Variants in CSMD1 observed in about 807,000 individuals in gnomAD.
CSMD1 encodes CUB and sushi domain-containing protein 1.
In CSMD1, 213 loss-of-function variants were observed where a neutral mutation model predicts 417.5. The observed-to-expected ratio is 0.51, with a 90% CI of 0.46 to 0.57. CSMD1 has a LOEUF of 0.57. CSMD1 is among the 20% of genes least tolerant of loss of function. The pLI, the probability that CSMD1 is intolerant of heterozygous loss-of-function variation, is 0.00. For synonymous variants in CSMD1, 2,862 were observed against 1,736.8 expected, an observed-to-expected ratio of 1.65 and a Z score of -16.11; for missense variants, 6,923 against 4,529.7, an observed-to-expected ratio of 1.53 and a Z score of -15.17.
At chr8:3,958,408 AT>A (rs1408565272) in intron 5 of CSMD1, among the ~76,000 whole-genome samples, 1 of 151,888 alleles carries the variant, frequency 6.6e-6, no homozygotes, top group Non-Finnish European at 1.5e-5. Flanking sequence ...GGCAGAAAAA[AT>A]GGTGAGTTCA....
At chr8:3,616,578 A>G in intron 8 of CSMD1, 132 bp downstream of exon 8, 1 of 618,210 alleles carries the variant, frequency 1.6e-6, no homozygotes, top group African/African-American at 1.8e-5. Context: ...GTGATTACAC[A>G]CATTTAGAGT....
chr8:4,788,213 T>C lies in CSMD1; in HGVS notation c.86-150655A>G, dbSNP rs1797512051. On this transcript the variant is annotated intron_variant, in intron 1 of 69. Coordinates refer to ENST00000635120, the MANE Select transcript of CSMD1 (RefSeq NM_033225.6). ...TTCCATGTGAACTTTGAGTAACATC[T>C]GCGCATAAAGGACCAGATGAAACTC... The C allele has an allele frequency of 2.5e-6, 4 of 1,588,504 alleles. No individual in the cohort carries two copies. In the African/African-American group the frequency reaches 4.0e-5, roughly 16 times the overall value.
intron 49 of CSMD1, among the ~76,000 whole-genome samples, chr8:3,077,206 G>C (rs1813746400): frequency 6.6e-6 from 1 of 152,180 alleles, no homozygotes; most frequent in South Asian, 2.1e-4. Context: ...ACTTTGCAAG[G>C]TGAGAACCAT....
intron 4 of CSMD1, 46 bp from the exon 5 acceptor site, chr8:3,998,156 T>A (rs771742074): frequency 2.7e-6 from 4 of 1,504,952 alleles, no homozygotes; most frequent in African/African-American, 2.8e-5. Context: ...TCAGGATGGT[T>A]TTCATACACG....
chr8:4,859,286 A>AAC (rs1801988870), intron 1 of CSMD1, among the ~76,000 whole-genome samples: 1 of 152,158 alleles, frequency 6.6e-6, no homozygotes, highest in Non-Finnish European at 1.5e-5. Context: ...TAAAGACTTA[A>AAC]ACGTTAGACC....
At chr8:3,668,882 T>C (rs1484270087) in intron 7 of CSMD1, among the ~76,000 whole-genome samples, 1 of 152,176 alleles carries the variant, frequency 6.6e-6, no homozygotes, top group Non-Finnish European at 1.5e-5. Flanking sequence ...TCAGCCTTAA[T>C]GCGGGTGGCA....
At chr8:3,316,484 G>C (rs1043080065) in intron 23 of CSMD1, among the ~76,000 whole-genome samples, 2 of 152,068 alleles carry the variant, frequency 1.3e-5, no homozygotes, top group Non-Finnish European at 2.9e-5. Flanking sequence ...GGTTGAGAGG[G>C]ACAAAGGAAA....
At chr8:3,927,108 T>C (rs1439801238) in intron 5 of CSMD1, among the ~76,000 whole-genome samples, 5 of 151,956 alleles carry the variant, frequency 3.3e-5, no homozygotes, top group Non-Finnish European at 4.4e-5. Flanking sequence ...TATTATCGTT[T>C]TTAACTGAGA....
rs541524255 is a variant in CSMD1 at position 3,558,575 on chromosome 8, T to G, written c.1344+16370A>C. Among the ~76,000 whole-genome samples, 874 of 137,944 alleles carry G rather than the reference T, an allele frequency of 6.3e-3. 17 individuals are homozygous for G. Among genetic ancestry groups the G allele is most frequent in the African/African-American group, 0.025 (826 of 33,428 alleles). The allele number at this position is 137,944 out of a possible 152,430, so 90.5% of individuals were successfully genotyped here. ...TGGTACCCCGTGTCCACTCCTGCAA[T>G]GATGAATGGTGTCTCAATAGTACCC... On this transcript the variant is annotated intron_variant, in intron 10 of 69. Transcript: ENST00000635120.
intron 7 of CSMD1, among the ~76,000 whole-genome samples, chr8:3,665,419 C>T (rs970330654): frequency 6.6e-6 from 1 of 152,090 alleles, no homozygotes; most frequent in Non-Finnish European, 1.5e-5. Context: ...ATACCAGCTA[C>T]TCCGGAGGCT....
At chr8:4,930,304 G>C (rs142695123) in intron 1 of CSMD1, among the ~76,000 whole-genome samples, 11 of 152,058 alleles carry the variant, frequency 7.2e-5, no homozygotes, top group African/African-American at 2.7e-4. Context: ...TATGCAATTG[G>C]TGTGATATTA....
intron 5 of CSMD1, among the ~76,000 whole-genome samples, chr8:3,758,522 T>A (rs533113123): frequency 2.4e-4 from 36 of 152,318 alleles, no homozygotes; most frequent in African/African-American, 8.4e-4. Context: ...CAGGAGCTAA[T>A]CTTATAGCTC....
chr8:4,719,806 C>T (rs989370012), intron 1 of CSMD1, among the ~76,000 whole-genome samples: 1 of 152,216 alleles, frequency 6.6e-6, no homozygotes, highest in East Asian at 1.9e-4. Flanking sequence ...TGAACTATTG[C>T]TGCCTTTTAC....
intron 2 of CSMD1, among the ~76,000 whole-genome samples, chr8:4,445,733 T>G (rs930282743): frequency 1.3e-5 from 2 of 152,274 alleles, no homozygotes; most frequent in Admixed American, 6.5e-5. Flanking sequence ...AACGTTGCAT[T>G]AAGTATCCAA....
chr8:3,431,158 G>A (rs187534589), intron 12 of CSMD1, among the ~76,000 whole-genome samples: 4 of 152,220 alleles, frequency 2.6e-5, no homozygotes, highest in Admixed American at 6.5e-5. Context: ...GCAACTCTAT[G>A]GACTCTCTAT....
chr8:4,898,162 T>G (rs1804626525), intron 1 of CSMD1, among the ~76,000 whole-genome samples: 1 of 152,060 alleles, frequency 6.6e-6, no homozygotes, highest in Non-Finnish European at 1.5e-5. Context: ...CTTCTGATAT[T>G]TGAGGGAGGA....
intron 3 of CSMD1, among the ~76,000 whole-genome samples, chr8:4,333,909 T>C (rs1447422653): frequency 6.6e-6 from 1 of 152,126 alleles, no homozygotes. Flanking sequence ...TGTTTTGTTT[T>C]GAGAAAAGTT....
At chr8:4,689,503 G>C (rs374013507) in intron 1 of CSMD1, among the ~76,000 whole-genome samples, 7 of 152,092 alleles carry the variant, frequency 4.6e-5, no homozygotes, top group African/African-American at 1.7e-4. Context: ...GTATTTCTTG[G>C]ATAACTTCTC....
At chr8:4,979,593 C>T (rs937111150) in intron 1 of CSMD1, among the ~76,000 whole-genome samples, 3 of 152,122 alleles carry the variant, frequency 2.0e-5, no homozygotes, top group Non-Finnish European at 4.4e-5. Flanking sequence ...GTATTTAAAT[C>T]ATTAAGAAAT....
Sources: allele counts gnomAD v4.1 joint callset (sites outside exome capture counted in the v4.1 genomes callset), GRCh38; gene constraint gnomAD v4.1.1; transcripts MANE v1.5; gene names NCBI Gene and HGNC (gene_info 2026-07-23, HGNC 2026-07-21).